The following CLIC5 variants were observed in gnomAD, a reference collection of about 807,000 sequenced individuals.
CLIC5 encodes the protein chloride intracellular channel protein 5.
In CLIC5, 20 loss-of-function variants were observed where a neutral mutation model predicts 24.7. That is an observed-to-expected ratio of 0.81 (90% confidence interval 0.57 to 1.18). CLIC5 has a LOEUF of 1.18. Ranked by LOEUF, CLIC5 falls within the 50% of genes most tolerant of loss-of-function variation. The probability of loss-of-function intolerance (pLI) is 0.00; values close to 1 mark genes in which losing one functional copy is unlikely to be tolerated. For missense variants in CLIC5, 341 were observed against 326.1 expected (o/e 1.05, Z -0.35); for synonymous variants, 159 against 135.6 (o/e 1.17, Z -1.20).
chr6:45,984,135 G>T (rs1002146195), intron 1 of CLIC5, among the ~76,000 whole-genome samples: 1 of 152,178 alleles, frequency 6.6e-6, no homozygotes, highest in African/African-American at 2.4e-5. Flanking sequence ...GAGAAAACTA[G>T]TACAAAAATT....
At chr6:45,995,742 T>C (rs1766110851) in intron 1 of CLIC5, among the ~76,000 whole-genome samples, 1 of 151,984 alleles carries the variant, frequency 6.6e-6, no homozygotes, top group Admixed American at 6.6e-5. Flanking sequence ...TGAGACTGGA[T>C]AAAGAAATGT....
intron 1 of CLIC5, among the ~76,000 whole-genome samples, chr6:46,040,509 T>A (rs1054948346): frequency 2.0e-5 from 3 of 151,824 alleles, no homozygotes; most frequent in African/African-American, 7.3e-5. Context: ...ATGATGATGA[T>A]GGTGGTGAAT....
chr6:46,055,680 G>A (rs142378295), intron 1 of CLIC5, among the ~76,000 whole-genome samples: 17 of 152,326 alleles, frequency 1.1e-4, no homozygotes, highest in East Asian at 3.9e-4. Flanking sequence ...ATCTTGCACC[G>A]CATCTCTCAC....
At chr6:45,978,358 G>A (rs1005834322) in intron 1 of CLIC5, among the ~76,000 whole-genome samples, 2 of 152,176 alleles carry the variant, frequency 1.3e-5, no homozygotes, top group East Asian at 3.9e-4. Flanking sequence ...AACAATGAGT[G>A]ATTCCTGAGC....
chr6:46,086,276 T>G, the CLIC5 span, among the ~76,000 whole-genome samples: 1 of 152,206 alleles, frequency 6.6e-6, no homozygotes, highest in African/African-American at 2.4e-5. Flanking sequence ...TGTCTGGCAC[T>G]CCCTAGTGAG....
intron 1 of CLIC5, among the ~76,000 whole-genome samples, chr6:45,964,189 T>G (rs1232118884): frequency 6.6e-6 from 1 of 152,086 alleles, no homozygotes; most frequent in East Asian, 1.9e-4. Context: ...TAAATTCCAT[T>G]GCAGTAGAGG....
chr6:46,046,532 C>G (rs912490133), intron 1 of CLIC5, among the ~76,000 whole-genome samples: 1 of 152,164 alleles, frequency 6.6e-6, no homozygotes, highest in African/African-American at 2.4e-5. Context: ...CTTAGAAAAG[C>G]CTGTATGGTC....
chr6:46,108,368 T>TTGTGTGTGTGTG, the CLIC5 span, among the ~76,000 whole-genome samples: 67 of 142,570 alleles, frequency 4.7e-4, no homozygotes, highest in African/African-American at 1.5e-3. Flanking sequence ...TATCGGGTCT[T>TTGTGTGTGTGTG]TGTGTGTGTG....
chr6:45,997,561 C>A (rs1315555090), intron 1 of CLIC5, among the ~76,000 whole-genome samples: 1 of 150,888 alleles, frequency 6.6e-6, no homozygotes, highest in African/African-American at 2.4e-5. Context: ...CTTGAAGATG[C>A]TGGGCCTAAG....
chr6:46,106,082 T>C, the CLIC5 span, among the ~76,000 whole-genome samples: 2 of 152,274 alleles, frequency 1.3e-5, no homozygotes, highest in East Asian at 3.9e-4. Flanking sequence ...CATCTCAAGA[T>C]GTGTGTCTAT....
intron 1 of CLIC5, among the ~76,000 whole-genome samples, chr6:45,981,250 T>C (rs986186445): frequency 1.3e-5 from 2 of 152,190 alleles, no homozygotes; most frequent in Middle Eastern, 3.4e-3. Context: ...ATTACAGGCA[T>C]GAGCCACCGC....
the CLIC5 span, among the ~76,000 whole-genome samples, chr6:46,122,689 C>T: frequency 1.3e-5 from 2 of 151,734 alleles, no homozygotes; most frequent in Admixed American, 1.3e-4. Context: ...ACTAGCAAGA[C>T]TAATAAAGAA....
In CLIC5 at chr6:46,030,135, C is replaced by T. The variant is rs9463169; in HGVS notation, c.540+49568G>A. On this transcript the variant is annotated intron_variant, in intron 1 of 5. Coordinates refer to the CLIC5 transcript ENST00000185206. ...ATATATAAATGTCTGCCGAGAACCT[C>T]CCTTGAGTGTCCTAGTTTTCTCAAG... is the stretch of plus-strand genomic sequence containing the variant. Among the ~76,000 whole-genome samples, 261 of 152,250 alleles carry T rather than the reference C, an allele frequency of 1.7e-3. 3 individuals are homozygous for T. The highest frequency in any genetic ancestry group is 6.0e-3 in the African/African-American group (250 of 41,526).
downstream of CLIC5, among the ~76,000 whole-genome samples, chr6:45,896,462 G>T (rs1029050002): frequency 6.6e-6 from 1 of 152,242 alleles, no homozygotes; most frequent in Non-Finnish European, 1.5e-5. Flanking sequence ...GTAATTTAAT[G>T]ATGGACCTAA....
chr6:46,066,617 G>T (rs376237460), intron 1 of CLIC5, among the ~76,000 whole-genome samples: 27 of 152,110 alleles, frequency 1.8e-4, no homozygotes, highest in Non-Finnish European at 3.2e-4. Context: ...TGCTAACTGT[G>T]GGGGGTACAT....
chr6:45,970,551 C>A (rs145149432), intron 1 of CLIC5, among the ~76,000 whole-genome samples: 43 of 152,218 alleles, frequency 2.8e-4, no homozygotes, highest in Admixed American at 8.5e-4. Flanking sequence ...ATAAACCTAC[C>A]CAGTAATTAT....
At chr6:46,122,320 C>T in the CLIC5 span, among the ~76,000 whole-genome samples, 1 of 152,314 alleles carries the variant, frequency 6.6e-6, no homozygotes, top group East Asian at 1.9e-4. Context: ...CAACCTGCTC[C>T]TGAATGACTA....
chr6:46,097,519 G>T, the CLIC5 span, among the ~76,000 whole-genome samples: 2 of 152,186 alleles, frequency 1.3e-5, no homozygotes, highest in Non-Finnish European at 2.9e-5. Context: ...GAGCAATTGT[G>T]GCAAAGGACT....
chr6:45,938,477 A>G (rs1449258757), intron 4 of CLIC5, among the ~76,000 whole-genome samples: 1 of 152,196 alleles, frequency 6.6e-6, no homozygotes, highest in Non-Finnish European at 1.5e-5. Flanking sequence ...GTCTTGTTAA[A>G]CAGAAGGTGG....
Sources: allele counts gnomAD v4.1 joint callset (sites outside exome capture counted in the v4.1 genomes callset), GRCh38; gene constraint gnomAD v4.1.1; transcripts MANE v1.5; gene names NCBI Gene and HGNC (gene_info 2026-07-23, HGNC 2026-07-21).